The following PTPRM variants were observed in gnomAD, a reference collection of about 807,000 sequenced individuals.
PTPRM encodes protein tyrosine phosphatase receptor type M.
Under a neutral mutation model 186.7 loss-of-function variants are expected in PTPRM, and 47 were observed. That is an observed-to-expected ratio of 0.25 (90% CI 0.20 to 0.32). The LOEUF (loss-of-function observed/expected upper bound fraction) is 0.32, where lower values mean the gene tolerates loss of function less well. Among genes scored for constraint, PTPRM ranks in the 10% least tolerant of loss-of-function variants. PTPRM has a pLI of 1.00. For missense variants in PTPRM, 1,494 were observed against 1,865.0 expected (o/e 0.80, Z 3.66); for synonymous variants, 668 against 674.9 (o/e 0.99, Z 0.16).
chr18:8,393,028 G>C (rs1307538889), intron 31 of PTPRM, among the ~76,000 whole-genome samples: 2 of 152,204 alleles, frequency 1.3e-5, no homozygotes, highest in East Asian at 3.8e-4. Context: ...TTGCAGACAA[G>C]ATCCACCAAC....
chr18:7,824,557 T>C (rs570025545), intron 2 of PTPRM, among the ~76,000 whole-genome samples: 109 of 152,336 alleles, frequency 7.2e-4, no homozygotes, highest in Middle Eastern at 6.8e-3. Flanking sequence ...TTTCCTTCTC[T>C]CTTCTTTTTC....
intron 2 of PTPRM, among the ~76,000 whole-genome samples, chr18:7,856,827 T>G (rs1028871461): frequency 4.6e-5 from 7 of 151,900 alleles, no homozygotes; most frequent in Non-Finnish European, 7.4e-5. Context: ...ACAGATGGTG[T>G]ATATGCAGAC....
intron 6 of PTPRM, among the ~76,000 whole-genome samples, chr18:7,954,448 A>G (rs1034114744): frequency 1.3e-5 from 2 of 152,190 alleles, no homozygotes; most frequent in Admixed American, 1.3e-4. Context: ...GTTATTTTGG[A>G]AAATGAGTCA....
chr18:8,383,448 A>T (rs1301999463), intron 29 of PTPRM, among the ~76,000 whole-genome samples: 1 of 152,072 alleles, frequency 6.6e-6, no homozygotes, highest in East Asian at 1.9e-4. Context: ...GAAGAAAAAA[A>T]TCTTAGCAGT....
intron 14 of PTPRM, among the ~76,000 whole-genome samples, chr18:8,177,619 A>G (rs2093505168): frequency 6.6e-6 from 1 of 152,262 alleles, no homozygotes; most frequent in Admixed American, 6.5e-5. Context: ...AGCAACCTCA[A>G]TTCTTGCCTC....
In PTPRM at chr18:7,658,330, T is replaced by TTATATATATATATA. The variant is rs34009975; in HGVS notation, c.73+90456_73+90469dup. 7.8e-4 allele frequency among the ~76,000 whole-genome samples: 97 copies of TTATATATATATATA among 124,412 alleles called. 1 individual carries two copies. The highest frequency in any genetic ancestry group is 1.5e-3 in the African/African-American group (49 of 32,672). 81.6% of individuals were successfully genotyped at this position (124,412 alleles called of 152,430 possible). A position where few individuals can be genotyped will look rare whatever the true frequency, so the allele number is the denominator to read the frequency against. On this transcript the variant is annotated intron_variant, in intron 1 of 32. Transcript: ENST00000580170. ...GTGGCTTCCTAAAATTAAAGTAAAT[T>TTATATATATATATA]TATATATATATATATATATATATAT...
chr18:8,268,720 T>C (rs1308326331), intron 19 of PTPRM, among the ~76,000 whole-genome samples: 2 of 152,032 alleles, frequency 1.3e-5, no homozygotes, highest in African/African-American at 4.8e-5. Flanking sequence ...AAAAGGATCA[T>C]ACACCATAAT....
chr18:7,983,755 A>C (rs2082684700), intron 7 of PTPRM, among the ~76,000 whole-genome samples: 1 of 152,156 alleles, frequency 6.6e-6, no homozygotes. Context: ...TGAGAAAATA[A>C]TCTGTGAAAG....
intron 7 of PTPRM, among the ~76,000 whole-genome samples, chr18:7,984,207 C>T (rs1232918351): frequency 6.6e-6 from 1 of 152,092 alleles, no homozygotes; most frequent in East Asian, 1.9e-4. Context: ...AAAATGCAAC[C>T]ACCTTCTTGA....
chr18:8,221,334 T>C (rs539569119), intron 14 of PTPRM, among the ~76,000 whole-genome samples: 1 of 152,332 alleles, frequency 6.6e-6, no homozygotes, highest in Admixed American at 6.5e-5. Flanking sequence ...AGGGCTGTCA[T>C]TGTCACCCTG....
At chr18:7,657,648 G>A (rs543529237) in intron 1 of PTPRM, among the ~76,000 whole-genome samples, 1 of 152,320 alleles carries the variant, frequency 6.6e-6, no homozygotes, top group African/African-American at 2.4e-5. Flanking sequence ...CATGAAAGGG[G>A]CATACGATTT....
chr18:8,075,934 T>C (rs1401280514), intron 8 of PTPRM, among the ~76,000 whole-genome samples: 2 of 152,174 alleles, frequency 1.3e-5, no homozygotes, highest in African/African-American at 4.8e-5. Flanking sequence ...CTAAACCATT[T>C]GACTTGTTTC....
In PTPRM at chr18:7,958,207, C is replaced by CAAAAAAAAAAAAAA. The variant is rs534178363; in HGVS notation, c.1132+2799_1132+2812dup. Among the ~76,000 whole-genome samples the CAAAAAAAAAAAAAA allele has an allele frequency of 1.9e-3, 224 of 115,214 alleles. 3 individuals carry two copies. Among genetic ancestry groups the CAAAAAAAAAAAAAA allele is most frequent in the African/African-American group, 7.0e-3 (210 of 29,982 alleles). The allele number at this position is 115,214 out of a possible 152,430, so 75.6% of individuals were successfully genotyped here. A position where few individuals can be genotyped will look rare whatever the true frequency, so the allele number is the denominator to read the frequency against. On this transcript the variant is annotated intron_variant, in intron 7 of 32. Coordinates refer to ENST00000580170, the MANE Select transcript of PTPRM (RefSeq NM_001105244.2). Reference sequence around the variant, plus strand: ...GATGTTAGTGCCTCACCATCCCCTGCAAAAAAAAAAAAAAAAAAATCCTAA... The same window carrying CAAAAAAAAAAAAAA: ...GATGTTAGTGCCTCACCATCCCCTGCAAAAAAAAAAAAAAAAAAAAAAAAAAAAAAAAATCCTAA...
intron 1 of PTPRM, among the ~76,000 whole-genome samples, chr18:7,634,225 G>T (rs2038259124): frequency 6.6e-6 from 1 of 152,072 alleles, no homozygotes; most frequent in African/African-American, 2.4e-5. Flanking sequence ...ATTCCATAAA[G>T]AACAGGATTT....
At chr18:7,666,289 A>G (rs1164350280) in intron 1 of PTPRM, among the ~76,000 whole-genome samples, 1 of 152,018 alleles carries the variant, frequency 6.6e-6, no homozygotes, top group African/African-American at 2.4e-5. Context: ...TCTTCCCAGA[A>G]CAAAGACCTG....
intron 2 of PTPRM, among the ~76,000 whole-genome samples, chr18:7,792,129 C>T (rs970857198): frequency 6.6e-6 from 1 of 152,146 alleles, no homozygotes; most frequent in African/African-American, 2.4e-5. Flanking sequence ...AAAATCAATA[C>T]TAAAAGTAAA....
At position 7,993,140 on chromosome 18, in the gene PTPRM, A is replaced by G. The variant is rs1398846112; in HGVS notation, c.1132+37726A>G. ...AGGTCAAGCAGAAGAAAGAATGACT[A>G]AAGTTAAAGATAGGTCTTTTGAAAT... is the stretch of plus-strand genomic sequence containing the variant. On this transcript the variant is annotated intron_variant, in intron 7 of 32. Transcript: ENST00000580170. Among the ~76,000 whole-genome samples, 7 of 151,914 alleles carry G rather than the reference A, an allele frequency of 4.6e-5. No homozygotes were observed. The East Asian group carries it at 1.2e-3, about 25-fold the overall frequency.
At chr18:7,958,831 G>A (rs997608557) in intron 7 of PTPRM, among the ~76,000 whole-genome samples, 1 of 152,156 alleles carries the variant, frequency 6.6e-6, no homozygotes, top group Non-Finnish European at 1.5e-5. Context: ...TTACAGTGAA[G>A]TAAAATAAAT....
At chr18:7,926,233 G>T (rs1284136796) in intron 4 of PTPRM, among the ~76,000 whole-genome samples, 3 of 151,982 alleles carry the variant, frequency 2.0e-5, no homozygotes, top group Non-Finnish European at 4.4e-5. Context: ...CATCAATTAG[G>T]TTTCAGTATA....
Sources: gnomAD v4.1 joint callset for allele counts (sites outside exome capture counted in the v4.1 genomes callset) on GRCh38, gnomAD v4.1.1 for gene constraint, MANE v1.5 for transcripts, NCBI Gene and HGNC (gene_info 2026-07-23, HGNC 2026-07-21) for gene names.